The following METTL15 variants were observed in gnomAD, a reference collection of about 807,000 sequenced individuals.
METTL15 encodes methyltransferase 15, mitochondrial 12S rRNA N4-cytidine.
A neutral mutation model predicts 38.3 loss-of-function variants in METTL15; 34 were observed. The ratio of observed to expected loss-of-function variants is 0.89; its 90% confidence interval spans 0.68 to 1.18. The LOEUF is 1.18. METTL15 is among the 50% of genes most tolerant of loss of function. METTL15 has a pLI of 0.00. For synonymous variants in METTL15, 162 were observed against 170.9 expected (o/e 0.95, Z 0.41); for missense variants, 438 against 498.4 (o/e 0.88, Z 1.15).
chr11:28,331,455 C>T lies in METTL15; in HGVS notation c.*614C>T, dbSNP rs192288276. On this transcript the variant is annotated 3_prime_UTR_variant, in exon 7 of 7. Coordinates refer to ENST00000407364, the MANE Select transcript of METTL15 (RefSeq NM_001113528.2). ...GATATGGGCCATTTTGTTCATCTAT[C>T]GCAAAGTAAAAATGTAAAATCCTTA... 20 of 151,948 alleles carry T rather than the reference C, an allele frequency of 1.3e-4. No homozygotes were observed. In the East Asian group the frequency reaches 2.5e-3, roughly 19 times the overall value. 9.4% of individuals were successfully genotyped at this position (151,948 alleles called of 1,614,324 possible).
chr11:28,388,524 A>G (rs1244955066), intron 5 of METTL15, among the ~76,000 whole-genome samples: 1 of 152,200 alleles, frequency 6.6e-6, no homozygotes, highest in African/African-American at 2.4e-5. Context: ...TTTACACTGA[A>G]AACTACAAAA....
intron 6 of METTL15, among the ~76,000 whole-genome samples, chr11:28,427,395 T>C (rs1041362096): frequency 2.6e-5 from 4 of 152,172 alleles, no homozygotes; most frequent in Non-Finnish European, 5.9e-5. Flanking sequence ...TCTTTTTGTT[T>C]AGGATTGTCT....
intron 6 of METTL15, among the ~76,000 whole-genome samples, chr11:28,464,185 G>A (rs571889387): frequency 6.6e-6 from 1 of 152,192 alleles, no homozygotes; most frequent in African/African-American, 2.4e-5. Flanking sequence ...ATCATCATGT[G>A]TTTACATAAG....
chr11:28,145,535 T>G (rs1275349789), intron 3 of METTL15: 1 of 152,074 alleles, frequency 6.6e-6, no homozygotes. Context: ...GGCTTTGGCC[T>G]GTGGAACACC....
intron 6 of METTL15, among the ~76,000 whole-genome samples, chr11:28,298,284 T>C (rs1365586576): frequency 2.0e-5 from 3 of 152,138 alleles, no homozygotes; most frequent in Admixed American, 6.6e-5. Context: ...TATGTGTTAT[T>C]ATCTGTCTCC....
rs974569825 is a variant in METTL15, at chr11:28,311,001, T to A, written c.778+14070T>A. 5.5e-4 allele frequency among the ~76,000 whole-genome samples: 76 copies of A among 137,896 alleles called. 1 individual carries two copies. The highest frequency in any genetic ancestry group is 1.9e-3 in the African/African-American group (59 of 31,822). 90.5% of individuals were successfully genotyped at this position (137,896 alleles called of 152,430 possible). ...GTGTGTGTGTGTGTGTGTGTGTGTG[T>A]GTGAGAGAGAGAGAGAGAGAGAGGA... is the stretch of plus-strand genomic sequence containing the variant. On this transcript the variant is annotated intron_variant, in intron 6 of 6. Coordinates refer to ENST00000407364, the MANE Select transcript of METTL15 (RefSeq NM_001113528.2).
chr11:28,315,115 T>C (rs1352962224), intron 6 of METTL15, among the ~76,000 whole-genome samples: 1 of 152,204 alleles, frequency 6.6e-6, no homozygotes, highest in Non-Finnish European at 1.5e-5. Context: ...GGAAGCAACT[T>C]TGGAACTAGG....
intron 6 of METTL15, among the ~76,000 whole-genome samples, chr11:28,472,293 C>T (rs1028690693): frequency 6.6e-5 from 10 of 152,086 alleles, no homozygotes; most frequent in Non-Finnish European, 1.2e-4. Context: ...AGTTTGGGGG[C>T]TTATTTGCTT....
chr11:28,506,904 C>A lies in METTL15; in HGVS notation c.*425-19574C>A, dbSNP rs770228587. ...AGACTACAGGCATGTGCCACCATGC[C>A]TGGCTAATTTTTGTATTTTTAATAG... On this transcript the variant is annotated intron_variant and NMD_transcript_variant, in intron 6 of 7. Transcript: ENST00000532947. Among the ~76,000 whole-genome samples the A allele has an allele frequency of 4.6e-5, 7 of 152,026 alleles. No homozygotes were observed. In the East Asian group the frequency reaches 9.7e-4, roughly 21 times the overall value.
chr11:28,250,653 G>A (rs749082516), intron 4 of METTL15, among the ~76,000 whole-genome samples: 1 of 151,900 alleles, frequency 6.6e-6, no homozygotes, highest in South Asian at 2.1e-4. Flanking sequence ...TCCAGAGGCA[G>A]TGTGCATGGC....
chr11:28,443,911 C>A (rs772525265), intron 6 of METTL15, among the ~76,000 whole-genome samples: 1 of 152,186 alleles, frequency 6.6e-6, no homozygotes, highest in Non-Finnish European at 1.5e-5. Flanking sequence ...AGCAGGTAGA[C>A]ACAATCTTTT....
intron 6 of METTL15, among the ~76,000 whole-genome samples, chr11:28,440,647 A>T (rs745744200): frequency 6.6e-6 from 1 of 152,258 alleles, no homozygotes; most frequent in Non-Finnish European, 1.5e-5. Context: ...TAAGATGCTT[A>T]TCTATCTAAA....
intron 6 of METTL15, among the ~76,000 whole-genome samples, chr11:28,309,824 A>G (rs1254174075): frequency 1.3e-5 from 2 of 151,878 alleles, no homozygotes; most frequent in African/African-American, 2.4e-5. Context: ...CCCACACACA[A>G]TTTTTCATTT....
At chr11:28,238,488 G>T (rs753094751) in intron 4 of METTL15, among the ~76,000 whole-genome samples, 2 of 152,266 alleles carry the variant, frequency 1.3e-5, no homozygotes, top group East Asian at 3.9e-4. Flanking sequence ...GGAATGCCCC[G>T]ATTTTCCAGG....
intron 4 of METTL15, among the ~76,000 whole-genome samples, chr11:28,250,358 C>G (rs745397618): frequency 2.6e-5 from 4 of 151,920 alleles, no homozygotes; most frequent in African/African-American, 4.8e-5. Context: ...TAAGCATTTC[C>G]TTTTCTCTCC....
chr11:28,152,782 T>TA (rs59922919), intron 3 of METTL15, among the ~76,000 whole-genome samples: 22,486 of 151,866 alleles, frequency 0.15, 1,834 homozygotes, highest in East Asian at 0.28. Flanking sequence ...TAGAAAGGAA[T>TA]AAAAGAGTGG....
chr11:28,238,723 G>A (rs923576978), intron 4 of METTL15, among the ~76,000 whole-genome samples: 7 of 152,134 alleles, frequency 4.6e-5, no homozygotes, highest in Admixed American at 6.5e-5. Context: ...GCTATAGACC[G>A]GAGCTGTTCC....
At chr11:28,384,302 TTTTC>T (rs577543452) in intron 5 of METTL15, among the ~76,000 whole-genome samples, 176 of 151,356 alleles carry the variant, frequency 1.2e-3, no homozygotes, top group Admixed American at 4.3e-3. Flanking sequence ...ATGTCTTTGT[TTTTC>T]TTTCTTTCTT....
intron 3 of METTL15, among the ~76,000 whole-genome samples, chr11:28,200,019 A>G (rs952843208): frequency 1.3e-5 from 2 of 152,010 alleles, no homozygotes; most frequent in African/African-American, 4.8e-5. Flanking sequence ...TGACTTTTTA[A>G]AGGGTTTATC....
Sources: gnomAD v4.1 joint callset for allele counts (sites outside exome capture counted in the v4.1 genomes callset) on GRCh38, gnomAD v4.1.1 for gene constraint, MANE v1.5 for transcripts, NCBI Gene and HGNC (gene_info 2026-07-23, HGNC 2026-07-21) for gene names.